Variants in NPIPB2 observed in about 807,000 individuals in gnomAD.
NPIPB2 encodes nuclear pore complex-interacting protein family member B2.
NPIPB2 carries 27 observed loss-of-function variants against 30.8 expected under a neutral mutation model. The ratio of observed to expected loss-of-function variants is 0.88; its 90% CI spans 0.65 to 1.21. NPIPB2 has a LOEUF of 1.21. NPIPB2 is among the 50% of genes most tolerant of loss of function. The probability of loss-of-function intolerance (pLI) is 0.00; values close to 1 mark genes in which losing one functional copy is unlikely to be tolerated. For synonymous variants in NPIPB2, 147 were observed against 162.0 expected (o/e 0.91, Z 0.70); for missense variants, 440 against 446.2 (o/e 0.99, Z 0.13).
intron 1 of NPIPB2, among the ~76,000 whole-genome samples, chr16:11,954,053 A>C (rs2055090237): frequency 6.6e-6 from 1 of 152,102 alleles, no homozygotes; most frequent in Non-Finnish European, 1.5e-5. Flanking sequence ...TTATAGTATA[A>C]ATGTTAAGCA....
chr16:11,948,000 G>T (rs957410235), intron 1 of NPIPB2, among the ~76,000 whole-genome samples: 1 of 148,078 alleles, frequency 6.8e-6, no homozygotes, highest in African/African-American at 2.5e-5. Flanking sequence ...ACCCAAGACT[G>T]GCCACTAGAT....
chr16:11,967,968 T>C, intron 1 of NPIPB2: 1 of 1,100,788 alleles, frequency 9.1e-7, no homozygotes, highest in Non-Finnish European at 1.3e-6. Context: ...GTCCTCTAAC[T>C]GTGGAAACTC....
chr16:11,969,441 G>C (rs2055221352), intron 1 of NPIPB2, among the ~76,000 whole-genome samples: 1 of 151,954 alleles, frequency 6.6e-6, no homozygotes, highest in Non-Finnish European at 1.5e-5. Context: ...ATTTTTAGTA[G>C]AGACAGGGTT....
At chr16:11,932,952 T>C (rs1235725626) in intron 4 of NPIPB2, among the ~76,000 whole-genome samples, 2 of 146,968 alleles carry the variant, frequency 1.4e-5, no homozygotes, top group Non-Finnish European at 1.5e-5. Flanking sequence ...AGCGAGACTC[T>C]ATCTCAAAAT....
At chr16:11,957,928 T>C (rs1342827040) in intron 1 of NPIPB2, among the ~76,000 whole-genome samples, 1 of 152,202 alleles carries the variant, frequency 6.6e-6, no homozygotes, top group Non-Finnish European at 1.5e-5. Context: ...TTTGGTTCTA[T>C]TTCTCTGGAG....
intron 2 of NPIPB2, among the ~76,000 whole-genome samples, chr16:11,937,143 T>C (rs2033673601): frequency 6.6e-6 from 1 of 152,214 alleles, no homozygotes; most frequent in Non-Finnish European, 1.5e-5. Flanking sequence ...TGTTAAGCTG[T>C]CTTTTCAGCT....
At chr16:11,931,617 A>T (rs2054791214) in intron 4 of NPIPB2, among the ~76,000 whole-genome samples, 1 of 151,114 alleles carries the variant, frequency 6.6e-6, no homozygotes, top group African/African-American at 2.4e-5. Flanking sequence ...CTTAATGCAA[A>T]TGAGAAGCCA....
chr16:11,959,054 C>A (rs1280508425), intron 1 of NPIPB2, among the ~76,000 whole-genome samples: 1 of 152,148 alleles, frequency 6.6e-6, no homozygotes, highest in Non-Finnish European at 1.5e-5. Context: ...GGCAGCCAAG[C>A]ATTTGGTGCT....
intron 1 of NPIPB2, among the ~76,000 whole-genome samples, chr16:11,954,549 T>C (rs416883): frequency 0.042 from 6,324 of 150,846 alleles, 167 homozygotes; most frequent in Middle Eastern, 0.087. Flanking sequence ...AATTGAGAAA[T>C]AAAATTTTTT....
At chr16:11,970,860 C>CT (rs59476811) in intron 1 of NPIPB2, among the ~76,000 whole-genome samples, 17,572 of 107,346 alleles carry the variant, frequency 0.16, 1,271 homozygotes, top group East Asian at 0.28. Context: ...TTACTCGTTT[C>CT]TTTTTTTTTT....
At chr16:11,951,666 A>ACACACACACACACACACACCCCC (rs1226047972) in intron 1 of NPIPB2, among the ~76,000 whole-genome samples, 1 of 138,874 alleles carries the variant, frequency 7.2e-6, no homozygotes, top group East Asian at 2.4e-4. Context: ...ACACACACAC[A>ACACACACACACACACACACCCCC]CCCAGCCCCC....
chr16:11,975,151 T>TTTTTTTTC (rs2055267853), intron 1 of NPIPB2, among the ~76,000 whole-genome samples: 1 of 66,892 alleles, frequency 1.5e-5, no homozygotes, highest in Non-Finnish European at 3.4e-5. Flanking sequence ...CTTTTTTTTT[T>TTTTTTTTC]TTTTTTTTTT....
In NPIPB2 at chr16:11,930,449, C is replaced by T. The variant is rs1207429072; in HGVS notation, c.590+1G>A. The T allele has an allele frequency of 3.9e-6, 6 of 1,555,918 alleles. No individual in the cohort carries two copies. Among genetic ancestry groups the T allele is most frequent in the Admixed American group, 1.8e-5 (1 of 55,910 alleles). On this transcript the variant is annotated splice_donor_variant, in intron 5 of 7. Transcript: ENST00000399147. LOFTEE classifies it high-confidence loss of function. ...GGGTGGGGTTCAGTTTCTGAACTCA[C>T]ATGTAGGTGTGTATTTCTTTCATAT...
At chr16:11,976,331 G>C (rs2055296248) in intron 1 of NPIPB2, among the ~76,000 whole-genome samples, 1 of 152,200 alleles carries the variant, frequency 6.6e-6, no homozygotes, top group South Asian at 2.1e-4. Context: ...TCCCGGACTG[G>C]GTTCCTCTCA....
chr16:11,954,689 C>T (rs11075034), intron 1 of NPIPB2, among the ~76,000 whole-genome samples: 46,795 of 151,720 alleles, frequency 0.31, 8,889 homozygotes, highest in Non-Finnish European at 0.44. Flanking sequence ...GGTAGGATCA[C>T]GAGGTCAGGA....
In NPIPB2 at chr16:11,960,353, C is replaced by CTTTTT. The variant is rs35099223; in HGVS notation, c.-584+16210_-584+16214dup. Among the ~76,000 whole-genome samples, 60 of 126,366 alleles carry CTTTTT rather than the reference C, an allele frequency of 4.7e-4. 1 individual carries two copies. Among genetic ancestry groups the CTTTTT allele is most frequent in the African/African-American group, 1.7e-3 (59 of 35,582 alleles). The allele number at this position is 126,366 out of a possible 152,430, so 82.9% of individuals were successfully genotyped here. A position where few individuals can be genotyped will look rare whatever the true frequency, so the allele number is the denominator to read the frequency against. ...CTTCTGGCTTCCCAGGTATGGTTCC[C>CTTTTT]TTTTTTTTTTTTTTTTTTTGAGACA... On this transcript the variant is annotated intron_variant, in intron 1 of 5. Coordinates refer to the NPIPB2 transcript ENST00000538896.
chr16:11,968,550 T>C (rs1349515623), intron 1 of NPIPB2: 1 of 152,190 alleles, frequency 6.6e-6, no homozygotes, highest in African/African-American at 2.4e-5. Context: ...GCCCCAAAGA[T>C]ATGTGGTCCT....
chr16:11,962,405 G>A (rs775809666), intron 1 of NPIPB2, among the ~76,000 whole-genome samples: 12 of 151,660 alleles, frequency 7.9e-5, no homozygotes, highest in South Asian at 2.1e-4. Context: ...TCAGGAGATC[G>A]AGACCATCCT....
chr16:11,937,758 C>G, intron 1 of NPIPB2, 90 bp from the exon 2 acceptor site: 1 of 1,494,030 alleles, frequency 6.7e-7, no homozygotes, highest in South Asian at 1.2e-5. Flanking sequence ...CCGTCAACCT[C>G]CTCCAAAAGG....
Sources: allele counts gnomAD v4.1 joint callset (sites outside exome capture counted in the v4.1 genomes callset), GRCh38; gene constraint gnomAD v4.1.1; transcripts MANE v1.5; gene names NCBI Gene and HGNC (gene_info 2026-07-23, HGNC 2026-07-21).